Variants in TSEN54 observed in about 807,000 individuals in gnomAD.
TSEN54 encodes tRNA-splicing endonuclease subunit Sen54.
TSEN54 carries 55 observed loss-of-function variants against 61.9 expected under a neutral mutation model. That is an observed-to-expected ratio of 0.89 (90% CI 0.72 to 1.11). TSEN54 has a LOEUF of 1.11. Among genes scored for constraint, TSEN54 ranks in the 50% most tolerant of loss-of-function variants. The pLI, the probability that TSEN54 is intolerant of heterozygous loss-of-function variation, is 0.00. For missense variants in TSEN54, 760 were observed against 687.7 expected (o/e 1.11, Z -1.18); for synonymous variants, 304 against 288.7 (o/e 1.05, Z -0.54).
chr17:75,522,839 A>G (rs2053442802), intron 8 of TSEN54: 1 of 265,366 alleles, frequency 3.8e-6, no homozygotes, highest in Non-Finnish European at 7.3e-6. Context: ...ATTTTTCAGT[A>G]TATGTTCCAA....
chr17:75,521,384 C>T (rs1190639460), intron 6 of TSEN54, 25 bp from the exon 7 acceptor site: 1 of 1,602,948 alleles, frequency 6.2e-7, no homozygotes. Flanking sequence ...GGGTCAGTGG[C>T]CCACCCGCTG....
At chr17:75,522,544 G>A in intron 8 of TSEN54, 1 of 1,438,422 alleles carries the variant, frequency 7.0e-7, no homozygotes, top group South Asian at 1.4e-5. Context: ...AGGTAAGGAG[G>A]GGTGGAAACT....
Position 75,519,028 on chromosome 17 carries a change from G to A in TSEN54, c.502G>A (p.Val168Ile). The A allele has an allele frequency of 1.2e-6, 2 of 1,613,904 alleles. No individual in the cohort carries two copies. Among genetic ancestry groups the A allele is most frequent in the Non-Finnish European group, 1.7e-6 (2 of 1,179,978 alleles). The change falls in exon 6 of 11, where the codon GTT (valine) becomes ATT (isoleucine). Residue 168 changes from valine (V) to isoleucine (I), a missense_variant. Physicochemically the swap from Val to Ile is conservative, Grantham distance 29. This residue lies in a region of TSEN54 where 667 missense variants were observed against 577.8 expected (regional missense o/e 1.15). Coordinates refer to ENST00000333213, the MANE Select transcript of TSEN54 (RefSeq NM_207346.3). Reference protein sequence around the residue: ...FSHLKRLGYVVRRFQPSSVLS... With the variant: ...FSHLKRLGYVIRRFQPSSVLS... ...CCACCTGAAGAGGTTGGGTTATGTG[G>A]TTCGACGATTCCAACCAAGGTAAAT...
chr17:75,524,299 C>A lies in TSEN54; in HGVS notation c.1468C>A (p.Arg490=). The change falls in exon 11 of 11, where the codon CGG becomes AGG. Residue 490 remains arginine, a synonymous_variant. Transcript: ENST00000333213. ...EPVPDLCSLK[R]LSYQSGDVPL... Reference sequence around the variant, plus strand: ...TGTCCCAGACCTCTGCAGCCTCAAGCGGTTGTCTTACCAGAGTGGGGATGT... The same window carrying A: ...TGTCCCAGACCTCTGCAGCCTCAAGAGGTTGTCTTACCAGAGTGGGGATGT... The A allele has an allele frequency of 6.2e-7, 1 of 1,614,174 alleles. No individual in the cohort carries two copies. The highest frequency in any genetic ancestry group is 8.5e-7 in the Non-Finnish European group (1 of 1,180,040).
rs756343304 is a variant in TSEN54, at chr17:75,517,249, G to A, written c.369+5G>A. Reference sequence around the variant, plus strand: ...GCCTTGTATCTTCTGGAGTGTGTAAGTGGGGCCCGGGAGGTGGGGAAGGAG... The same window carrying A: ...GCCTTGTATCTTCTGGAGTGTGTAAATGGGGCCCGGGAGGTGGGGAAGGAG... On this transcript the variant is annotated splice_donor_5th_base_variant and intron_variant, in intron 4 of 10. Transcript: ENST00000333213. 5.5e-5 allele frequency: 87 copies of A among 1,589,446 alleles called. No homozygotes were observed. In the East Asian group the frequency reaches 1.9e-3, roughly 35 times the overall value.
intron 6 of TSEN54, 68 bp from the exon 7 acceptor site, chr17:75,521,341 A>C: frequency 7.4e-7 from 1 of 1,354,408 alleles, no homozygotes; most frequent in Non-Finnish European, 1.1e-6. Flanking sequence ...CCGTTTCCTT[A>C]CACATCCCAC....
chr17:75,518,926 GTC>G, intron 5 of TSEN54, 67 bp from the exon 6 acceptor site: 2 of 1,607,256 alleles, frequency 1.2e-6, no homozygotes, highest in Non-Finnish European at 1.7e-6. Context: ...GATGGCCTGT[GTC>G]TGGAGAAACC....
Position 75,524,441 on chromosome 17 carries a change from G to T in TSEN54, c.*29G>T. ...CACAGCTCTGCAGAGGATGGAGCTT[G>T]CTCCGGGGGACCGGGACTGTCTGTT... On this transcript the variant is annotated 3_prime_UTR_variant, in exon 11 of 11. Transcript: ENST00000333213. 1 of 1,613,676 alleles carries T rather than the reference G, an allele frequency of 6.2e-7. No individual in the cohort carries two copies. The highest frequency in any genetic ancestry group is 8.5e-7 in the Non-Finnish European group (1 of 1,180,002).
chr17:75,521,465 T>TG lies in TSEN54; in HGVS notation c.580dup (p.Glu194GlyfsTer18), dbSNP rs747549006. The TG allele has an allele frequency of 1.2e-6, 2 of 1,614,076 alleles. No individual in the cohort carries two copies. Among genetic ancestry groups the TG allele is most frequent in the Admixed American group, 3.3e-5 (2 of 60,018 alleles). ...AACCTGGATGCCAGCGTGCAGCACT[T>TG]GGAGGATGGAGATGGCAAGAGAAAG... is the stretch of plus-strand genomic sequence containing the variant. On this transcript the variant is annotated frameshift_variant, in exon 7 of 11. Coordinates refer to ENST00000333213, the MANE Select transcript of TSEN54 (RefSeq NM_207346.3). LOFTEE classifies it high-confidence loss of function.
intron 8 of TSEN54, chr17:75,522,992 G>A (rs1248050873): frequency 1.2e-5 from 5 of 420,366 alleles, no homozygotes; most frequent in South Asian, 1.0e-4. Context: ...ACCAACCTGG[G>A]CAACATGGTG....
chr17:75,519,687 CAAGTAGCTGGG>C (rs1236210561), intron 6 of TSEN54, among the ~76,000 whole-genome samples: 1 of 152,216 alleles, frequency 6.6e-6, no homozygotes, highest in African/African-American at 2.4e-5. Flanking sequence ...CTCAGCCTCC[CAAGTAGCTGGG>C]ATTACAGGCG....
Position 75,523,755 on chromosome 17 carries a change from C to G in TSEN54, c.1406C>G (p.Pro469Arg). ...TTCCGAAAGAATAACCCTGGCAAAC[C>G]CTATGCCCGGATGTGCATTAGTGGG... Reference protein sequence around the residue: ...ATFRKNNPGKPYARMCISGFD... With the variant: ...ATFRKNNPGKRYARMCISGFD... Residue 469 changes from proline (P) to arginine (R), a missense_variant, in exon 10 of 11, where the codon CCC (proline) becomes CGC (arginine). Pro to Arg is a moderately radical substitution (Grantham distance 103, BLOSUM62 -2). This residue lies in a region of TSEN54 where 83 missense variants were observed against 82.9 expected (regional missense o/e 1.00). Coordinates refer to ENST00000333213, the MANE Select transcript of TSEN54 (RefSeq NM_207346.3). 1 of 1,613,970 alleles carries G rather than the reference C, an allele frequency of 6.2e-7. No homozygotes were observed. Among genetic ancestry groups the G allele is most frequent in the Non-Finnish European group, 8.5e-7 (1 of 1,179,936 alleles).
At position 75,523,768 on chromosome 17, in the gene TSEN54, G is replaced by T; in HGVS notation, c.1419G>T (p.Met473Ile). The change falls in exon 10 of 11, where the codon ATG (methionine) becomes ATT (isoleucine). Residue 473 changes from methionine (M) to isoleucine (I), a missense_variant. Coordinates refer to ENST00000333213, the MANE Select transcript of TSEN54 (RefSeq NM_207346.3). ...ACCCTGGCAAACCCTATGCCCGGAT[G>T]TGCATTAGTGGGTACGCAGTGAGCC... Reference protein sequence around the residue: ...KNNPGKPYARMCISGFDEPVP... With the variant: ...KNNPGKPYARICISGFDEPVP... The T allele has an allele frequency of 6.2e-7, 1 of 1,613,870 alleles. No individual in the cohort carries two copies. Among genetic ancestry groups the T allele is most frequent in the Non-Finnish European group, 8.5e-7 (1 of 1,179,860 alleles).
chr17:75,522,660 C>A, intron 8 of TSEN54: 1 of 749,390 alleles, frequency 1.3e-6, no homozygotes, highest in Non-Finnish European at 1.9e-6. Flanking sequence ...CCTTCTTGGC[C>A]AAGTGAAAGA....
intron 5 of TSEN54, among the ~76,000 whole-genome samples, chr17:75,518,282 A>G (rs1017484610): frequency 4.6e-5 from 7 of 152,206 alleles, no homozygotes; most frequent in African/African-American, 7.2e-5. Flanking sequence ...CCATGAGCAC[A>G]TGGATGGTAT....
chr17:75,517,103 C>CA, intron 3 of TSEN54, 31 bp downstream of exon 3: 1 of 1,095,594 alleles, frequency 9.1e-7, no homozygotes, highest in South Asian at 1.7e-5. Context: ...CCGGGGACCG[C>CA]CCTCCCTGCC....
At position 75,523,456 on chromosome 17, in the gene TSEN54, C is replaced by T. The variant is rs912555790; in HGVS notation, c.1313+121C>T. The T allele has an allele frequency of 5.6e-6, 9 of 1,602,388 alleles. No individual in the cohort carries two copies. The African/African-American group carries it at 1.1e-4, about 19-fold the overall frequency. On this transcript the variant is annotated intron_variant, in intron 9 of 10. Coordinates refer to ENST00000333213, the MANE Select transcript of TSEN54 (RefSeq NM_207346.3). ...TGTTCCAGGGACTCCTACCCCTACG[C>T]CTAGCTCTGAGCAATAACTAGTGTT...
chr17:75,523,925 C>T, intron 10 of TSEN54, 146 bp downstream of exon 10: 1 of 935,422 alleles, frequency 1.1e-6, no homozygotes, highest in Non-Finnish European at 1.7e-6. Flanking sequence ...CTACACAAGG[C>T]CACACAGCCA....
chr17:75,522,147 C>A lies in TSEN54; in HGVS notation c.1066C>A (p.His356Asn), dbSNP rs539193286. ...EKLSRREREH[H>N]AEAAQFQEDV... is the part of the protein sequence containing the mutation. ...GCTCTCCAGGCGGGAACGGGAGCAC[C>A]ACGCGGAGGCCGCGCAGTTCCAGGA... The change falls in exon 8 of 11, where the codon CAC (histidine) becomes AAC (asparagine). Residue 356 changes from histidine to asparagine, a missense_variant. Coordinates refer to ENST00000333213, the MANE Select transcript of TSEN54 (RefSeq NM_207346.3). 2 of 1,560,050 alleles carry A rather than the reference C, an allele frequency of 1.3e-6. No individual in the cohort carries two copies. Among genetic ancestry groups the A allele is most frequent in the South Asian group, 2.3e-5 (2 of 85,194 alleles).
Sources: gnomAD v4.1 joint callset for allele counts (sites outside exome capture counted in the v4.1 genomes callset) on GRCh38, gnomAD v4.1.1 for gene constraint, gnomAD v4.1.1 regional missense constraint, MANE v1.5 for transcripts, NCBI Gene and HGNC (gene_info 2026-07-23, HGNC 2026-07-21) for gene names.